Variants in PLK4 observed in about 807,000 individuals in gnomAD.
PLK4 encodes polo like kinase 4, also known as serine/threonine-protein kinase PLK4.
Under a neutral mutation model 103.0 loss-of-function variants are expected in PLK4, and 51 were observed. That is an observed-to-expected ratio of 0.50 (90% CI 0.40 to 0.63). The LOEUF (loss-of-function observed/expected upper bound fraction) is 0.63, where lower values mean the gene tolerates loss of function less well. Among genes scored for constraint, PLK4 ranks in the 20% least tolerant of loss-of-function variants. The pLI is 0.00. For synonymous variants in PLK4, 389 were observed against 376.8 expected (o/e 1.03, Z -0.38); for missense variants, 1,054 against 1,151.0 (o/e 0.92, Z 1.22).
intron 12 of PLK4, 31 bp downstream of exon 12, chr4:127,893,635 T>G (rs757644534): frequency 6.3e-7 from 1 of 1,579,314 alleles, no homozygotes; most frequent in African/African-American, 1.4e-5. Flanking sequence ...AACATATGGC[T>G]AAAATGTTTT....
chr4:127,898,324 G>T, intron 15 of PLK4, 115 bp from the exon 16 acceptor site: 1 of 602,754 alleles, frequency 1.7e-6, no homozygotes. Flanking sequence ...TAATTTTTCT[G>T]AGGTGCCTCT....
At chr4:127,891,500 ACTTTGT>A in intron 8 of PLK4, 73 bp from the exon 9 acceptor site, 1 of 538,356 alleles carries the variant, frequency 1.9e-6, no homozygotes, top group Middle Eastern at 5.4e-4. Context: ...ACATTTAAAC[ACTTTGT>A]ATACGTTTTA....
In PLK4 at chr4:127,889,850, T is replaced by G; in HGVS notation, c.1460-16T>G. The stretch of plus-strand genomic sequence containing the variant: ...TTAGTTATTTACTAAATTGCTTCAT[T>G]CTATGTATATTGTAGCTCATTTAAG... On this transcript the variant is annotated splice_polypyrimidine_tract_variant and intron_variant, in intron 6 of 15. Coordinates refer to ENST00000270861, the MANE Select transcript of PLK4 (RefSeq NM_014264.5). 6.5e-7 allele frequency: 1 copy of G among 1,535,760 alleles called. No homozygotes were observed. Among genetic ancestry groups the G allele is most frequent in the Non-Finnish European group, 8.8e-7 (1 of 1,139,536 alleles).
intron 6 of PLK4, 138 bp from the exon 7 acceptor site, chr4:127,889,728 A>G: frequency 1.6e-6 from 1 of 611,646 alleles, no homozygotes; most frequent in Non-Finnish European, 2.8e-6. Context: ...TTAGAAAATT[A>G]TGAGCTCTTA....
chr4:127,893,978 C>T lies in PLK4; in HGVS notation c.2562+97C>T, dbSNP rs562808142. 1.3e-4 allele frequency: 95 copies of T among 711,136 alleles called. 1 individual carries two copies. Among genetic ancestry groups the T allele is most frequent in the South Asian group, 4.9e-4 (27 of 54,704 alleles). The allele number at this position is 711,136 out of a possible 1,614,324, so 44.1% of individuals were successfully genotyped here. ...TTTATTGTGGCTTTACTATCATCTA[C>T]GTACTTTTCCAGCCTCATCCTGAGC... On this transcript the variant is annotated intron_variant, in intron 13 of 15. Coordinates refer to ENST00000270861, the MANE Select transcript of PLK4 (RefSeq NM_014264.5).
intron 10 of PLK4, chr4:127,892,769 G>T: frequency 3.4e-6 from 1 of 293,832 alleles, no homozygotes; most frequent in Non-Finnish European, 6.3e-6. Context: ...ACTACGTCTA[G>T]GCTGATGGTA....
chr4:127,881,037 C>G lies in PLK4; in HGVS notation c.-98C>G. On this transcript the variant is annotated 5_prime_UTR_variant, in exon 1 of 16. Transcript: ENST00000270861. ...GGAGCGGCGGTTTAGAGAGCCGAGC[C>G]TGATGGGCGCCAAGGCCGGCTGGCT... 1 of 1,411,780 alleles carries G rather than the reference C, an allele frequency of 7.1e-7. No individual in the cohort carries two copies. The highest frequency in any genetic ancestry group is 1.0e-6 in the Non-Finnish European group (1 of 1,003,776). 87.5% of individuals were successfully genotyped at this position (1,411,780 alleles called of 1,614,324 possible).
In PLK4 at chr4:127,896,892, A is replaced by AG; in HGVS notation, c.2795_2796insG (p.Asn932LysfsTer6). The stretch of plus-strand genomic sequence containing the variant: ...TCTTCTATCAGTTATACCTCACCAA[A>AG]TGGTCAAACAACTAGGTAAGTTCTT... On this transcript the variant is annotated frameshift_variant, in exon 15 of 16. Transcript: ENST00000270861. LOFTEE classifies it high-confidence loss of function. The AG allele has an allele frequency of 6.3e-7, 1 of 1,590,084 alleles. No individual in the cohort carries two copies.
Position 127,887,514 on chromosome 4 carries a change from T to G in PLK4, c.1459+18T>G, listed in dbSNP as rs758628134. The stretch of plus-strand genomic sequence containing the variant: ...AATAAATGGTGAGTTTTTAATGGAG[T>G]ATTTAATCAAGAATTAATTACTTGG... On this transcript the variant is annotated intron_variant, in intron 6 of 15. Transcript: ENST00000270861. 2.3e-5 allele frequency: 31 copies of G among 1,345,480 alleles called. No homozygotes were observed. In the South Asian group the frequency reaches 3.7e-4, roughly 16 times the overall value. 83.3% of individuals were successfully genotyped at this position (1,345,480 alleles called of 1,614,324 possible).
chr4:127,891,843 G>A (rs1243224105), intron 9 of PLK4, 162 bp downstream of exon 9: 6 of 358,834 alleles, frequency 1.7e-5, no homozygotes, highest in Non-Finnish European at 3.0e-5. Context: ...TGCCTTTAAT[G>A]CAATGTTTAT....
Position 127,889,998 on chromosome 4 carries a change from C to T in PLK4, c.1592C>T (p.Ser531Phe), listed in dbSNP as rs199766041. 7.7e-5 allele frequency: 124 copies of T among 1,613,932 alleles called. No individual in the cohort carries two copies. Among genetic ancestry groups the T allele is most frequent in the Non-Finnish European group, 5.6e-5 (66 of 1,179,956 alleles). ...AAAGTCAAAAAGAACTCTGATGCTT[C>T]TGATAATGCACATTCTGTAAAACAG... ...DTKVKKNSDA[S>F]DNAHSVKQQN... is the part of the protein sequence containing the mutation. Residue 531 changes from serine (S) to phenylalanine (F), a missense_variant, in exon 7 of 16, where the codon TCT (serine) becomes TTT (phenylalanine). Transcript: ENST00000270861.
At chr4:127,892,168 T>C in intron 9 of PLK4, 197 bp from the exon 10 acceptor site, 1 of 382,522 alleles carries the variant, frequency 2.6e-6, no homozygotes, top group Non-Finnish European at 4.6e-6. Context: ...GTTAACCAAA[T>C]TTGACTCCCA....
intron 3 of PLK4, 38 bp downstream of exon 3, chr4:127,883,395 G>A (rs2148816072): frequency 1.4e-6 from 2 of 1,422,860 alleles, no homozygotes; most frequent in Non-Finnish European, 2.0e-6. Flanking sequence ...CAAGGACACT[G>A]AATTTTTGTA....
intron 6 of PLK4, among the ~76,000 whole-genome samples, chr4:127,888,756 CAT>C (rs1016984327): frequency 3.9e-5 from 6 of 151,992 alleles, no homozygotes; most frequent in African/African-American, 1.2e-4. Flanking sequence ...ATAAAAGAGA[CAT>C]ATGGAGAGGA....
chr4:127,888,095 G>A (rs1375022238), intron 6 of PLK4, among the ~76,000 whole-genome samples: 6 of 130,434 alleles, frequency 4.6e-5, no homozygotes, highest in African/African-American at 1.1e-4. Flanking sequence ...CACAAGAATC[G>A]CTTGAACCAG....
In PLK4 at chr4:127,895,106, T is replaced by C; in HGVS notation, c.2703+13T>C. The C allele has an allele frequency of 6.4e-7, 1 of 1,564,750 alleles. No individual in the cohort carries two copies. Among genetic ancestry groups the C allele is most frequent in the Non-Finnish European group, 8.7e-7 (1 of 1,154,798 alleles). ...TTGGGCTACACAGGTGAGAAGTTTC[T>C]AGTACAGTGCATTTTCTCAGTATGA... is the stretch of plus-strand genomic sequence containing the variant. On this transcript the variant is annotated intron_variant, in intron 14 of 15. Coordinates refer to ENST00000270861, the MANE Select transcript of PLK4 (RefSeq NM_014264.5).
rs559914338 is a variant in PLK4 at position 127,881,904 on chromosome 4, G to A, written c.104G>A (p.Gly35Asp). Residue 35 changes from glycine to aspartate, a missense_variant, in exon 2 of 16, where the codon GGT (glycine) becomes GAT (aspartate). Around this residue, in one of 4 missense-constraint regions of PLK4, gnomAD observed 199 missense variants for 270.1 expected, o/e 0.74. Transcript: ENST00000270861. ...GVYRAESIHT[G>D]LEVAIKMIDK... ...TACAGAGCTGAGTCCATTCACACTG[G>A]TTTGGAAGTTGCAATCAAAATGGTA... 5.8e-5 allele frequency: 92 copies of A among 1,598,668 alleles called. 2 individuals are homozygous for A. The South Asian group carries it at 9.3e-4, about 16-fold the overall frequency.
rs776570091 is a variant in PLK4 at position 127,886,479 on chromosome 4, C to A, written c.1109C>A (p.Ser370Tyr). 1 of 1,613,944 alleles carries A rather than the reference C, an allele frequency of 6.2e-7. No homozygotes were observed. The highest frequency in any genetic ancestry group is 8.5e-7 in the Non-Finnish European group (1 of 1,179,934). The stretch of plus-strand genomic sequence containing the variant: ...CAAGATGCAGAAGAAAGGCCACATT[C>A]TCGATACCTTCGTAGAGCTTATTCC... ...VIQDAEERPH[S>Y]RYLRRAYSSD... The change falls in exon 5 of 16, where the codon TCT (serine) becomes TAT (tyrosine). Residue 370 changes from serine to tyrosine, a missense_variant. By Grantham distance (144) the Ser-to-Tyr change is moderately radical. Around this residue, in one of 4 missense-constraint regions of PLK4, gnomAD observed 680 missense variants for 660.3 expected, o/e 1.03. Coordinates refer to ENST00000270861, the MANE Select transcript of PLK4 (RefSeq NM_014264.5).
chr4:127,891,277 A>G (rs1005515489), intron 8 of PLK4, 81 bp downstream of exon 8: 5 of 715,594 alleles, frequency 7.0e-6, no homozygotes, highest in Non-Finnish European at 1.1e-5. Context: ...TTTTACAATG[A>G]TGTAAGTTTT....
Sources: allele counts gnomAD v4.1 joint callset (sites outside exome capture counted in the v4.1 genomes callset), GRCh38; gene constraint gnomAD v4.1.1; regional missense constraint gnomAD v4.1.1; transcripts MANE v1.5; gene names NCBI Gene and HGNC (gene_info 2026-07-23, HGNC 2026-07-21).